Variants in PTPN9 observed in about 807,000 individuals in gnomAD.
The protein encoded by PTPN9 is tyrosine-protein phosphatase non-receptor type 9.
PTPN9 carries 26 observed loss-of-function variants against 69.8 expected under a neutral mutation model. The observed-to-expected ratio is 0.37, with a 90% CI of 0.27 to 0.52. The LOEUF is 0.52. Ranked by LOEUF, PTPN9 falls within the 20% of genes least tolerant of loss-of-function variation. The pLI is 0.91. For synonymous variants in PTPN9, 274 were observed against 272.5 expected (o/e 1.01, Z -0.05); for missense variants, 549 against 740.3 (o/e 0.74, Z 3.00).
At chr15:75,513,672 C>T (rs967671526) in intron 5 of PTPN9, among the ~76,000 whole-genome samples, 2 of 151,832 alleles carry the variant, frequency 1.3e-5, no homozygotes, top group Non-Finnish European at 2.9e-5. Flanking sequence ...GAGGCTGAGG[C>T]AGGAGAATCA....
intron 7 of PTPN9, among the ~76,000 whole-genome samples, chr15:75,490,871 C>T (rs191575351): frequency 2.0e-5 from 3 of 152,122 alleles, no homozygotes; most frequent in Non-Finnish European, 2.9e-5. Context: ...ATGATCTGCC[C>T]GCCTCGGCCT....
intron 1 of PTPN9, among the ~76,000 whole-genome samples, chr15:75,552,236 TAA>T (rs1194927038): frequency 3.7e-5 from 5 of 135,706 alleles, no homozygotes; most frequent in Admixed American, 7.5e-5. Flanking sequence ...CCATCTCTAC[TAA>T]AAAAAAAAAA....
intron 1 of PTPN9, among the ~76,000 whole-genome samples, chr15:75,561,701 T>A (rs1178691482): frequency 6.6e-6 from 1 of 152,080 alleles, no homozygotes; most frequent in Non-Finnish European, 1.5e-5. Context: ...ATTTATTTTT[T>A]ATTTTATTTT....
chr15:75,521,203 TG>T (rs1417980110), intron 4 of PTPN9, among the ~76,000 whole-genome samples: 5 of 147,164 alleles, frequency 3.4e-5, no homozygotes, highest in Non-Finnish European at 6.0e-5. Flanking sequence ...CCCAACACTT[TG>T]GGAGGCTGAG....
chr15:75,571,662 A>C (rs974547953), intron 1 of PTPN9, among the ~76,000 whole-genome samples: 1 of 151,224 alleles, frequency 6.6e-6, no homozygotes, highest in Non-Finnish European at 1.5e-5. Flanking sequence ...TTTGGGAGGC[A>C]GAGGCAGGTG....
chr15:75,553,330 A>AT (rs2075063655), intron 1 of PTPN9, among the ~76,000 whole-genome samples: 1 of 152,168 alleles, frequency 6.6e-6, no homozygotes, highest in Non-Finnish European at 1.5e-5. Flanking sequence ...ATTATTGTGA[A>AT]TTTGGAGACC....
intron 1 of PTPN9, among the ~76,000 whole-genome samples, chr15:75,527,977 C>G (rs1054388002): frequency 6.6e-6 from 1 of 152,122 alleles, no homozygotes; most frequent in African/African-American, 2.4e-5. Flanking sequence ...GTCCCACAAG[C>G]CAAATGGACA....
At chr15:75,512,738 T>A (rs953285979) in intron 5 of PTPN9, 1 of 252,156 alleles carries the variant, frequency 4.0e-6, no homozygotes, top group African/African-American at 2.3e-5. Context: ...TGTCTAGAAA[T>A]ATATATTTTT....
chr15:75,505,878 G>C lies in PTPN9; in HGVS notation c.765C>G (p.Asn255Lys), dbSNP rs146156674. 1.2e-6 allele frequency: 2 copies of C among 1,614,110 alleles called. No homozygotes were observed. Among genetic ancestry groups the C allele is most frequent in the East Asian group, 4.5e-5 (2 of 44,870 alleles). The change falls in exon 7 of 13, where the codon AAC becomes AAG. Residue 255 changes from asparagine to lysine, a missense_variant. Asn to Lys is a moderately conservative substitution (Grantham distance 94). This residue lies in a region of PTPN9 where 457 missense variants were observed against 661.9 expected (regional missense o/e 0.69). Transcript: ENST00000618819. ...TWNFQFLPQV[N>K]GHPDPFDEII... ...TCTCATCGAAGGGATCTGGGTGGCC[G>C]TTCACCTGGGGTAGGAACTGGAAAT...
At chr15:75,522,383 G>C (rs2074909247) in intron 4 of PTPN9, among the ~76,000 whole-genome samples, 1 of 151,828 alleles carries the variant, frequency 6.6e-6, no homozygotes, top group African/African-American at 2.4e-5. Context: ...TTTGTTTTGT[G>C]TGGGCTTTTT....
Position 75,468,783 on chromosome 15 carries a change from C to A in PTPN9, c.1768G>T (p.Val590Leu). 1.2e-6 allele frequency: 2 copies of A among 1,613,826 alleles called. No individual in the cohort carries two copies. The highest frequency in any genetic ancestry group is 8.5e-7 in the Non-Finnish European group (1 of 1,179,898). The change falls in exon 13 of 13, where the codon GTG becomes TTG. Residue 590 changes from valine (V) to leucine (L), a missense_variant. Val to Leu is a conservative substitution (Grantham distance 32, BLOSUM62 1). Around this residue, in one of 3 missense-constraint regions of PTPN9, gnomAD observed 30 missense variants for 24.8 expected, o/e 1.21. Transcript: ENST00000618819. ...MVSSGQNLLA[V>L]ESQ ...TCGTAGGAGAGTTACTGACTCTCCACGGCCAGCAGGTTTTGGCCAGAGGAT... is the reference window on the plus strand; with the variant it reads ...TCGTAGGAGAGTTACTGACTCTCCAAGGCCAGCAGGTTTTGGCCAGAGGAT...
intron 7 of PTPN9, among the ~76,000 whole-genome samples, chr15:75,500,266 C>T (rs891612243): frequency 1.3e-4 from 20 of 151,640 alleles, no homozygotes; most frequent in African/African-American, 3.9e-4. Flanking sequence ...GGGCTGAGAT[C>T]GTGGCACTGC....
chr15:75,563,566 T>C (rs1001454149), intron 1 of PTPN9, among the ~76,000 whole-genome samples: 5 of 152,216 alleles, frequency 3.3e-5, no homozygotes, highest in Admixed American at 6.6e-5. Flanking sequence ...AAAGATATGA[T>C]CTTTTTTATG....
chr15:75,574,276 T>C (rs1464276481), intron 1 of PTPN9, among the ~76,000 whole-genome samples: 47 of 138,360 alleles, frequency 3.4e-4, no homozygotes, highest in African/African-American at 1.3e-3. Context: ...CAAAGTGAGA[T>C]CCTGTCTCCA....
intron 8 of PTPN9, among the ~76,000 whole-genome samples, chr15:75,489,292 C>T (rs1193840068): frequency 6.6e-6 from 1 of 151,288 alleles, no homozygotes; most frequent in Non-Finnish European, 1.5e-5. Context: ...AGATGTTGTA[C>T]TCTGGAAAAC....
chr15:75,495,043 A>T (rs955396145), intron 7 of PTPN9, among the ~76,000 whole-genome samples: 2 of 152,118 alleles, frequency 1.3e-5, no homozygotes, highest in African/African-American at 2.4e-5. Flanking sequence ...AATAAATAAT[A>T]AATAGATTGA....
At chr15:75,565,743 T>C (rs964308373) in intron 1 of PTPN9, among the ~76,000 whole-genome samples, 3 of 152,142 alleles carry the variant, frequency 2.0e-5, no homozygotes, top group African/African-American at 7.2e-5. Flanking sequence ...CAGATGACCT[T>C]TTAATATTTT....
intron 1 of PTPN9, among the ~76,000 whole-genome samples, chr15:75,559,852 CT>C (rs1595970683): frequency 6.7e-6 from 1 of 150,038 alleles, no homozygotes; most frequent in Non-Finnish European, 1.5e-5. Context: ...TTTTTAAAAA[CT>C]TTCTCACTGG....
intron 1 of PTPN9, among the ~76,000 whole-genome samples, chr15:75,574,985 T>TAAGGCTGTTCACACAGGCCAAAAAGGGCC (rs1170353991): frequency 3.6e-4 from 1 of 2,780 alleles, no homozygotes; most frequent in Non-Finnish European, 7.1e-4. Flanking sequence ...GAAATATCTT[T>TAAGGCTGTTCACACAGGCCAAAAAGGGCC]TTTTTTTTTT....
Sources: allele counts gnomAD v4.1 joint callset (sites outside exome capture counted in the v4.1 genomes callset), GRCh38; gene constraint gnomAD v4.1.1; regional missense constraint gnomAD v4.1.1; transcripts MANE v1.5; gene names NCBI Gene and HGNC (gene_info 2026-07-23, HGNC 2026-07-21).